The following PAXBP1 variants were observed in gnomAD, a reference collection of about 807,000 sequenced individuals.
PAXBP1 encodes PAX3- and PAX7-binding protein 1.
In PAXBP1, 44 loss-of-function variants were observed where a neutral mutation model predicts 119.9. The ratio of observed to expected loss-of-function variants is 0.37; its 90% CI spans 0.29 to 0.47. The LOEUF (loss-of-function observed/expected upper bound fraction) is 0.47, where lower values mean the gene tolerates loss of function less well. PAXBP1 is among the 20% of genes least tolerant of loss of function. The pLI is 0.99. For missense variants in PAXBP1, 898 were observed against 1,134.1 expected, an observed-to-expected ratio of 0.79 and a Z score of 2.99; for synonymous variants, 393 against 406.6, an observed-to-expected ratio of 0.97 and a Z score of 0.40.
chr21:32,760,409 C>A (rs1017760733), intron 5 of PAXBP1, among the ~76,000 whole-genome samples: 1 of 152,072 alleles, frequency 6.6e-6, no homozygotes, highest in Non-Finnish European at 1.5e-5. Context: ...GCGAATTCTG[C>A]CTCAAAACAC....
At chr21:32,750,722 A>G (rs1236849570) in intron 10 of PAXBP1, among the ~76,000 whole-genome samples, 195 bp downstream of exon 10, 1 of 152,208 alleles carries the variant, frequency 6.6e-6, no homozygotes, top group African/African-American at 2.4e-5. Context: ...ACACCCTATG[A>G]GAAGATGTTA....
At chr21:32,744,320 T>G (rs943173595) in intron 13 of PAXBP1, among the ~76,000 whole-genome samples, 1 of 150,178 alleles carries the variant, frequency 6.7e-6, no homozygotes, top group East Asian at 2.0e-4. Context: ...ATAAATTTCA[T>G]GTATTAAGAC....
chr21:32,738,961 G>A (rs1368781604), intron 15 of PAXBP1, among the ~76,000 whole-genome samples: 1 of 152,152 alleles, frequency 6.6e-6, no homozygotes, highest in Non-Finnish European at 1.5e-5. Context: ...CTCAAGTTGT[G>A]TGTCTCCACG....
At position 32,735,032 on chromosome 21, in the gene PAXBP1, C is replaced by G. The variant is rs774382781; in HGVS notation, c.2672G>C (p.Ser891Thr). The change falls in exon 18 of 18, where the codon AGT (serine) becomes ACT (threonine). Residue 891 changes from serine to threonine, a missense_variant. Physicochemically the swap from Ser to Thr is moderately conservative, Grantham distance 58 (BLOSUM62 1). Coordinates refer to ENST00000331923, the MANE Select transcript of PAXBP1 (RefSeq NM_016631.4). ...CATAGCATGATCCAAAGCTCGAACA[C>G]TTGCAAGGAGTTTTACTATCTGTTT... ...NIKQIVKLLA[S>T]VRALDHAMSV... The G allele has an allele frequency of 6.2e-7, 1 of 1,613,684 alleles. No homozygotes were observed. The highest frequency in any genetic ancestry group is 8.5e-7 in the Non-Finnish European group (1 of 1,179,784).
At chr21:32,744,260 TA>T (rs762993580) in intron 13 of PAXBP1, among the ~76,000 whole-genome samples, 1,120 of 57,566 alleles carry the variant, frequency 0.019, 9 homozygotes, top group African/African-American at 0.056. Context: ...GCTGATGAGC[TA>T]AAAAAAAAAA....
chr21:32,767,668 C>T (rs561812141), intron 2 of PAXBP1, among the ~76,000 whole-genome samples: 6 of 152,242 alleles, frequency 3.9e-5, no homozygotes, highest in East Asian at 3.9e-4. Context: ...CAGGGGTTTC[C>T]GCTTTTGCTT....
chr21:32,759,744 C>G (rs375350235), intron 6 of PAXBP1, 33 bp downstream of exon 6: 18 of 1,547,956 alleles, frequency 1.2e-5, no homozygotes, highest in Non-Finnish European at 1.4e-5. Flanking sequence ...AGAAAGCTAG[C>G]GGACAGGTCT....
At chr21:32,755,775 CA>C in intron 7 of PAXBP1, 1 of 158,908 alleles carries the variant, frequency 6.3e-6, no homozygotes, top group Non-Finnish European at 1.4e-5. Context: ...TGTGTGGTAC[CA>C]AAAAAGTGCA....
At chr21:32,747,790 CTT>C (rs907840713) in intron 11 of PAXBP1, among the ~76,000 whole-genome samples, 1 of 144,880 alleles carries the variant, frequency 6.9e-6, no homozygotes. Context: ...ACCTCCTTAT[CTT>C]TTTTTTTTTT....
At chr21:32,740,684 T>G (rs1239845303) in intron 15 of PAXBP1, among the ~76,000 whole-genome samples, 1 of 152,192 alleles carries the variant, frequency 6.6e-6, no homozygotes, top group African/African-American at 2.4e-5. Flanking sequence ...GGCTTCATAT[T>G]AGGCAAAGAT....
chr21:32,771,274 G>A (rs2044339504), intron 1 of PAXBP1, 52 bp downstream of exon 1: 2 of 1,481,380 alleles, frequency 1.4e-6, no homozygotes, highest in Admixed American at 2.0e-5. Context: ...GGGGGACGGG[G>A]GCCTGCGTCG....
chr21:32,742,862 G>T, intron 15 of PAXBP1: 1 of 338,632 alleles, frequency 3.0e-6, no homozygotes, highest in Non-Finnish European at 5.9e-6. Flanking sequence ...CTTTATCATA[G>T]GTATGTATGT....
At chr21:32,751,770 C>T (rs888883437) in intron 8 of PAXBP1, 3 of 152,268 alleles carry the variant, frequency 2.0e-5, no homozygotes, top group Non-Finnish European at 2.9e-5. Context: ...GACCAACTTC[C>T]GCCTTCTCAA....
At chr21:32,754,295 C>A (rs1453466470) in intron 8 of PAXBP1, among the ~76,000 whole-genome samples, 1 of 152,172 alleles carries the variant, frequency 6.6e-6, no homozygotes, top group Admixed American at 6.5e-5. Context: ...TTTCTGGATG[C>A]TGAAGACCTA....
At chr21:32,748,793 A>G (rs2043914523) in intron 10 of PAXBP1, 95 bp from the exon 11 acceptor site, 2 of 1,064,136 alleles carry the variant, frequency 1.9e-6, no homozygotes, top group Non-Finnish European at 2.7e-6. Flanking sequence ...TAGCTTCAGT[A>G]TCAGAAGATA....
chr21:32,764,119 G>C (rs765126736), intron 3 of PAXBP1, among the ~76,000 whole-genome samples: 1 of 151,786 alleles, frequency 6.6e-6, no homozygotes, highest in African/African-American at 2.4e-5. Context: ...CCATTTACTT[G>C]AAGACTTATT....
chr21:32,743,158 T>C (rs1458553437), intron 15 of PAXBP1, 90 bp downstream of exon 15: 3 of 898,138 alleles, frequency 3.3e-6, no homozygotes, highest in African/African-American at 3.4e-5. Flanking sequence ...TCTAAGCCTA[T>C]GGAGTTAATA....
At position 32,771,511 on chromosome 21, in the gene PAXBP1, C is replaced by T; in HGVS notation, c.158G>A (p.Gly53Glu). ...CGGCCCCGGGCCCAGCAGCGACTCC[C>T]CGCCAGGGGCCCTGTCGCCGCCACC... ...GPGGGDRAPG[G>E]ESLLGPGPSP... Residue 53 changes from glycine to glutamate, a missense_variant, in exon 1 of 18, where the codon GGG (glycine) becomes GAG (glutamate). This residue lies in a region of PAXBP1 where 299 missense variants were observed against 281.4 expected (regional missense o/e 1.06). Coordinates refer to ENST00000331923, the MANE Select transcript of PAXBP1 (RefSeq NM_016631.4). 2 of 1,326,592 alleles carry T rather than the reference C, an allele frequency of 1.5e-6. No homozygotes were observed. Among genetic ancestry groups the T allele is most frequent in the Non-Finnish European group, 1.9e-6 (2 of 1,044,090 alleles). The allele number at this position is 1,326,592 out of a possible 1,614,324, so 82.2% of individuals were successfully genotyped here.
At chr21:32,760,670 A>G (rs2044124691) in intron 5 of PAXBP1, among the ~76,000 whole-genome samples, 1 of 152,138 alleles carries the variant, frequency 6.6e-6, no homozygotes, top group Admixed American at 6.5e-5. Flanking sequence ...CTTGTTCAAC[A>G]AAGATTGCTG....
Sources: gnomAD v4.1 joint callset for allele counts (sites outside exome capture counted in the v4.1 genomes callset) on GRCh38, gnomAD v4.1.1 for gene constraint, gnomAD v4.1.1 regional missense constraint, MANE v1.5 for transcripts, NCBI Gene and HGNC (gene_info 2026-07-23, HGNC 2026-07-21) for gene names.